INSRR: variants seen among roughly 807,000 people sequenced by gnomAD.
INSRR encodes insulin receptor related receptor.
A neutral mutation model predicts 130.0 loss-of-function variants in INSRR; 114 were observed. The observed-to-expected ratio is 0.88, with a 90% CI of 0.75 to 1.02. The LOEUF is 1.02. Among genes scored for constraint, INSRR ranks in the 50% least tolerant of loss-of-function variants. The probability of loss-of-function intolerance (pLI) is 0.00; values close to 1 mark genes in which losing one functional copy is unlikely to be tolerated. For missense variants in INSRR, 1,657 were observed against 1,735.2 expected (o/e 0.95, Z 0.80); for synonymous variants, 674 against 705.2 (o/e 0.96, Z 0.70).
chr1:156,858,470 C>A, intron 1 of INSRR, 67 bp downstream of exon 1: 1 of 1,208,168 alleles, frequency 8.3e-7, no homozygotes, highest in Non-Finnish European at 1.2e-6. Flanking sequence ...GCTGCAAGCT[C>A]AGTTTTTTGG....
At chr1:156,846,176 C>A in intron 8 of INSRR, 57 bp from the exon 9 acceptor site, 1 of 1,491,926 alleles carries the variant, frequency 6.7e-7, no homozygotes. Flanking sequence ...TGAATACTAT[C>A]TAGTAATGAG....
chr1:156,853,117 G>A (rs1425728974), intron 2 of INSRR, among the ~76,000 whole-genome samples: 6 of 152,000 alleles, frequency 3.9e-5, no homozygotes, highest in Middle Eastern at 6.8e-3. Context: ...TCATCCTAAA[G>A]GTCCCACCTT....
At chr1:156,853,679 T>A in intron 2 of INSRR, 73 bp downstream of exon 2, 1 of 1,444,042 alleles carries the variant, frequency 6.9e-7, no homozygotes, top group South Asian at 1.3e-5. Context: ...ACCCACACCA[T>A]CCTGTGGCCA....
chr1:156,849,181 C>A, intron 6 of INSRR, 65 bp downstream of exon 6: 2 of 1,604,010 alleles, frequency 1.2e-6, no homozygotes, highest in South Asian at 2.2e-5. Context: ...AGCTTTCTCC[C>A]TCCCCCGGGT....
intron 5 of INSRR, 173 bp downstream of exon 5, chr1:156,851,117 T>G: frequency 1.4e-6 from 1 of 732,394 alleles, no homozygotes; most frequent in Non-Finnish European, 2.5e-6. Flanking sequence ...TAATGTTATA[T>G]TAGCCCTATT....
chr1:156,840,786 G>C lies in INSRR; in HGVS notation c.*87C>G, dbSNP rs1654744710. The C allele has an allele frequency of 9.8e-7, 1 of 1,020,706 alleles. No homozygotes were observed. Among genetic ancestry groups the C allele is most frequent in the Non-Finnish European group, 1.5e-6 (1 of 667,796 alleles). The allele number at this position is 1,020,706 out of a possible 1,614,324, so 63.2% of individuals were successfully genotyped here. On this transcript the variant is annotated 3_prime_UTR_variant, in exon 22 of 22. Coordinates refer to ENST00000368195, the MANE Select transcript of INSRR (RefSeq NM_014215.3). The stretch of plus-strand genomic sequence containing the variant: ...GCCATCCCTTGCCCTGAGTTGGGGT[G>C]GGGGTGAACATTCAGGCGTCTCAGC...
chr1:156,840,428 A>AC lies in INSRR; in HGVS notation c.*444_*445insG, dbSNP rs1558082100. 1.6e-4 allele frequency: 18 copies of AC among 110,634 alleles called. No individual in the cohort carries two copies. Among genetic ancestry groups the AC allele is most frequent in the Non-Finnish European group, 3.0e-4 (13 of 43,670 alleles). 6.9% of individuals were successfully genotyped at this position (110,634 alleles called of 1,614,324 possible). A position where few individuals can be genotyped will look rare whatever the true frequency, so the allele number is the denominator to read the frequency against. On this transcript the variant is annotated 3_prime_UTR_variant, in exon 22 of 22. Transcript: ENST00000368195. Reference sequence around the variant, plus strand: ...AGTGGCAAGCAAGGCAGTCATGTGGAGCCCCACCCCCCTCCCATACATGCA... The same window carrying AC: ...AGTGGCAAGCAAGGCAGTCATGTGGACGCCCCACCCCCCTCCCATACATGCA...
rs767907631 is a variant in INSRR, at chr1:156,842,130, A to G, written c.3379T>C (p.Phe1127Leu). Residue 1127 changes from phenylalanine (F) to leucine (L), a missense_variant, in exon 19 of 22, where the codon TTC becomes CTC. Coordinates refer to ENST00000368195, the MANE Select transcript of INSRR (RefSeq NM_014215.3). ...TCTGTACCCCCGATCTTGACGGTGA[A>G]GTCCTGGGACACCATGCAGTTGCGG... ...AARNCMVSQDFTVKIGDFGMT... is the reference protein window; with the variant it reads ...AARNCMVSQDLTVKIGDFGMT... 1 of 1,613,826 alleles carries G rather than the reference A, an allele frequency of 6.2e-7. No homozygotes were observed. Among genetic ancestry groups the G allele is most frequent in the Non-Finnish European group, 8.5e-7 (1 of 1,179,972 alleles).
At position 156,845,215 on chromosome 1, in the gene INSRR, C is replaced by A. The variant is rs539000352; in HGVS notation, c.2298G>T (p.Lys766Asn). 1.9e-6 allele frequency: 3 copies of A among 1,609,732 alleles called. No individual in the cohort carries two copies. In the African/African-American group the frequency reaches 4.0e-5, roughly 21 times the overall value. The change falls in exon 12 of 22, where the codon AAG becomes AAT. Residue 766 changes from lysine to asparagine, a missense_variant. Physicochemically the swap from Lys to Asn is moderately conservative, Grantham distance 94. Coordinates refer to ENST00000368195, the MANE Select transcript of INSRR (RefSeq NM_014215.3). ...TCAGCACCGCTCGCTCACGGGGCACCTTGTCCTCCTGGATCTCGAAATCCG... is the reference window on the plus strand; with the variant it reads ...TCAGCACCGCTCGCTCACGGGGCACATTGTCCTCCTGGATCTCGAAATCCG... The part of the protein sequence containing the change: ...NSSDFEIQED[K>N]VPRERAVLSG...
At chr1:156,841,309 A>C (rs1654770181) in intron 21 of INSRR, 85 bp downstream of exon 21, 1 of 1,120,818 alleles carries the variant, frequency 8.9e-7, no homozygotes. Flanking sequence ...AAAGCATCAG[A>C]GGAGGTGAGC....
At position 156,845,682 on chromosome 1, in the gene INSRR, G is replaced by A. The variant is rs762739029; in HGVS notation, c.2111C>T (p.Ala704Val). Residue 704 changes from alanine (A) to valine (V), a missense_variant, in exon 10 of 22, where the codon GCG becomes GTG. Ala to Val is a moderately conservative substitution (Grantham distance 64, BLOSUM62 0). Transcript: ENST00000368195. Reference sequence around the variant, plus strand: ...CTTCTTCTGGAACGAGGCCTCTTGCGCCTCCAGCGGGGGCAGAACCTGACC... The same window carrying A: ...CTTCTTCTGGAACGAGGCCTCTTGCACCTCCAGCGGGGGCAGAACCTGACC... ...PPGQVLPPLE[A>V]QEASFQKKFE... The A allele has an allele frequency of 6.2e-7, 1 of 1,611,666 alleles. No homozygotes were observed. The highest frequency in any genetic ancestry group is 2.2e-5 in the East Asian group (1 of 44,848).
chr1:156,846,845 T>C (rs941700475), intron 7 of INSRR, 88 bp from the exon 8 acceptor site: 1 of 1,094,792 alleles, frequency 9.1e-7, no homozygotes, highest in Non-Finnish European at 1.4e-6. Flanking sequence ...AGGACTGTCA[T>C]TGTCCTTCCA....
chr1:156,846,463 C>T, intron 8 of INSRR, 56 bp downstream of exon 8: 4 of 1,401,102 alleles, frequency 2.9e-6, no homozygotes, highest in Middle Eastern at 1.8e-4. Flanking sequence ...GCCTGTGCTC[C>T]CCTGTTCTCA....
At position 156,854,336 on chromosome 1, in the gene INSRR, C is replaced by T. The variant is rs760268391; in HGVS notation, c.86-33G>A. On this transcript the variant is annotated intron_variant, in intron 1 of 21. Transcript: ENST00000368195. This position sits in a 1 kb window ranked among gnomAD's most constrained non-coding sequence, Gnocchi z 4.2. ...CATACACGGCACGCAGCATTGAGTACAGCCCAGGCCAAATTCCCCATCCAG... is the reference window on the plus strand; with the variant it reads ...CATACACGGCACGCAGCATTGAGTATAGCCCAGGCCAAATTCCCCATCCAG... The T allele has an allele frequency of 1.3e-6, 2 of 1,555,458 alleles. No individual in the cohort carries two copies. Among genetic ancestry groups the T allele is most frequent in the South Asian group, 2.4e-5 (2 of 82,428 alleles).
chr1:156,853,981 A>C lies in INSRR; in HGVS notation c.408T>G (p.Arg136=). 6.2e-7 allele frequency: 1 copy of C among 1,613,534 alleles called. No homozygotes were observed. The highest frequency in any genetic ancestry group is 2.2e-5 in the East Asian group (1 of 44,858). ...GGTTCTTCTCCACACGCACAGCCCC[A>C]CGCAGCACGGCCCCAAGTGCAGGCA... The part of the protein sequence containing the change: ...VALPALGAVL[R]GAVRVEKNQE... Residue 136 remains arginine (R), a synonymous_variant, in exon 2 of 22, where the codon CGT becomes CGG. Coordinates refer to ENST00000368195, the MANE Select transcript of INSRR (RefSeq NM_014215.3).
At chr1:156,841,581 A>T (rs1654785202) in intron 20 of INSRR, 53 bp from the exon 21 acceptor site, 12 of 1,611,936 alleles carry the variant, frequency 7.4e-6, no homozygotes, top group Middle Eastern at 1.6e-4. Context: ...TACTCAGTGC[A>T]TTCCAAGGGA....
rs372964590 is a variant in INSRR at position 156,849,382 on chromosome 1, G to C, written c.1308C>G (p.Pro436=). The change falls in exon 6 of 22, where the codon CCC becomes CCG. Residue 436 remains proline, a synonymous_variant. Coordinates refer to ENST00000368195, the MANE Select transcript of INSRR (RefSeq NM_014215.3). ...GSWVAAGLTI[P]VGKIYFAFNP... ...TGAAGGCGAAGTAGATCTTGCCCAC[G>C]GGAATGGTGAGCCCCGCGGCCACCC... 1.9e-6 allele frequency: 3 copies of C among 1,613,848 alleles called. No homozygotes were observed. Among genetic ancestry groups the C allele is most frequent in the Non-Finnish European group, 2.5e-6 (3 of 1,179,966 alleles).
intron 2 of INSRR, among the ~76,000 whole-genome samples, chr1:156,852,406 G>T (rs1402957461): frequency 6.6e-6 from 1 of 152,092 alleles, no homozygotes; most frequent in Non-Finnish European, 1.5e-5. Flanking sequence ...CTCCCACAGT[G>T]CCTAGTCGGG....
rs572616686 is a variant in INSRR at position 156,853,785 on chromosome 1, A to T, written c.604T>A (p.Tyr202Asn). ...CAGTGGCTGGAGGTCCAGCATCTGT[A>T]GTCAGTGTGCCCGCTGAAGGTGGTC... Reference protein sequence around the residue: ...AKTTFSGHTDYRCWTSSHCQR... With the variant: ...AKTTFSGHTDNRCWTSSHCQR... The change falls in exon 2 of 22, where the codon TAC (tyrosine) becomes AAC (asparagine). Residue 202 changes from tyrosine (Y) to asparagine (N), a missense_variant. Transcript: ENST00000368195. 6.2e-7 allele frequency: 1 copy of T among 1,608,956 alleles called. No individual in the cohort carries two copies. Among genetic ancestry groups the T allele is most frequent in the Non-Finnish European group, 8.5e-7 (1 of 1,176,166 alleles).
Sources: gnomAD v4.1 joint callset for allele counts (sites outside exome capture counted in the v4.1 genomes callset) on GRCh38, gnomAD v4.1.1 for gene constraint, Gnocchi (gnomAD v3.1) non-coding constraint, MANE v1.5 for transcripts, NCBI Gene and HGNC (gene_info 2026-07-23, HGNC 2026-07-21) for gene names.